Variants in OXR1 observed in about 807,000 individuals in gnomAD.
OXR1 encodes the protein oxidation resistance 1.
Under a neutral mutation model 104.6 loss-of-function variants are expected in OXR1, and 41 were observed. The observed-to-expected ratio is 0.39, with a 90% CI of 0.31 to 0.51. The LOEUF is 0.51. Ranked by LOEUF, OXR1 falls within the 20% of genes least tolerant of loss-of-function variation. The pLI is 0.77. For missense variants in OXR1, 955 were observed against 1,031.9 expected, an observed-to-expected ratio of 0.93 and a Z score of 1.02; for synonymous variants, 348 against 348.4, an observed-to-expected ratio of 1.00 and a Z score of 0.01.
chr8:106,284,896 C>G (rs1812432577), intron 1 of OXR1, among the ~76,000 whole-genome samples: 1 of 151,942 alleles, frequency 6.6e-6, no homozygotes, highest in Non-Finnish European at 1.5e-5. Context: ...TTATAAAGGG[C>G]TGGAGATACT....
chr8:106,462,587 A>G (rs546803667), intron 2 of OXR1, among the ~76,000 whole-genome samples: 1 of 152,252 alleles, frequency 6.6e-6, no homozygotes, highest in South Asian at 2.1e-4. Flanking sequence ...AACATTTCCT[A>G]CTTTTCTCAG....
At chr8:106,294,009 G>A (rs539191296) in intron 1 of OXR1, among the ~76,000 whole-genome samples, 7 of 120,120 alleles carry the variant, frequency 5.8e-5, no homozygotes, top group Non-Finnish European at 1.2e-4. Flanking sequence ...AATAGAATAA[G>A]CTGAGGAAAA....
intron 2 of OXR1, among the ~76,000 whole-genome samples, chr8:106,455,815 C>T (rs1820568204): frequency 1.3e-5 from 2 of 152,168 alleles, no homozygotes; most frequent in Admixed American, 6.6e-5. Context: ...TCCATTGAAT[C>T]TGATACCATG....
At chr8:106,653,083 A>AAAATAT (rs1554611974) in intron 3 of OXR1, among the ~76,000 whole-genome samples, 181 of 137,144 alleles carry the variant, frequency 1.3e-3, no homozygotes, top group African/African-American at 4.4e-3. Flanking sequence ...AAAAAAAAAA[A>AAAATAT]ATATATATAT....
At chr8:106,606,096 G>A (rs1022746970) in intron 3 of OXR1, among the ~76,000 whole-genome samples, 2 of 152,186 alleles carry the variant, frequency 1.3e-5, no homozygotes, top group East Asian at 3.9e-4. Flanking sequence ...AGTCCAAAAT[G>A]CATCTCACTG....
chr8:106,472,889 A>C (rs1821593654), intron 2 of OXR1, among the ~76,000 whole-genome samples: 2 of 151,608 alleles, frequency 1.3e-5, no homozygotes, highest in East Asian at 2.0e-4. Flanking sequence ...TTAACCTTAT[A>C]CTCTTGAGTT....
intron 1 of OXR1, among the ~76,000 whole-genome samples, chr8:106,301,067 G>A (rs947086123): frequency 2.2e-4 from 34 of 152,142 alleles, no homozygotes; most frequent in Non-Finnish European, 4.0e-4. Context: ...TAAAACGCAC[G>A]TCATATAAAA....
chr8:106,450,913 G>A (rs988905292), intron 2 of OXR1, among the ~76,000 whole-genome samples: 1 of 152,070 alleles, frequency 6.6e-6, no homozygotes, highest in Non-Finnish European at 1.5e-5. Flanking sequence ...TTCTAGAACT[G>A]AAGCAAATTT....
At chr8:106,732,217 A>G (rs1281749379) in intron 11 of OXR1, among the ~76,000 whole-genome samples, 1 of 152,108 alleles carries the variant, frequency 6.6e-6, no homozygotes, top group Admixed American at 6.6e-5. Context: ...TTTGCATATT[A>G]ATCTTGCACT....
intron 2 of OXR1, among the ~76,000 whole-genome samples, chr8:106,443,252 A>T (rs1819866161): frequency 6.6e-6 from 1 of 152,040 alleles, no homozygotes. Context: ...ATTTCATGGC[A>T]CTGTTGTACT....
intron 7 of OXR1, chr8:106,698,133 T>G: frequency 1.6e-6 from 1 of 634,802 alleles, no homozygotes; most frequent in Non-Finnish European, 2.8e-6. Context: ...TACCCAGATA[T>G]CCTCTTCATT....
chr8:106,343,245 T>C (rs574919690), intron 1 of OXR1, among the ~76,000 whole-genome samples: 2 of 152,228 alleles, frequency 1.3e-5, no homozygotes, highest in African/African-American at 2.4e-5. Flanking sequence ...GTTTCTTCCC[T>C]ACTCAAAATC....
chr8:106,318,797 G>A (rs1814090661), intron 1 of OXR1, among the ~76,000 whole-genome samples: 2 of 152,132 alleles, frequency 1.3e-5, no homozygotes, highest in South Asian at 4.1e-4. Flanking sequence ...CTTTTGGAGT[G>A]CAGATACAGT....
intron 2 of OXR1, among the ~76,000 whole-genome samples, chr8:106,486,308 C>A (rs747746034): frequency 2.0e-5 from 3 of 152,082 alleles, no homozygotes; most frequent in African/African-American, 4.8e-5. Context: ...CTAATTGCTT[C>A]CACTTTTACA....
chr8:106,317,806 A>C (rs529304457), intron 1 of OXR1, among the ~76,000 whole-genome samples: 6 of 151,932 alleles, frequency 3.9e-5, no homozygotes, highest in Admixed American at 1.3e-4. Flanking sequence ...AAAAAAAAAA[A>C]CAAAAAGGAG....
At chr8:106,551,840 G>A (rs1815844685) in intron 3 of OXR1, among the ~76,000 whole-genome samples, 1 of 138,174 alleles carries the variant, frequency 7.2e-6, no homozygotes, top group East Asian at 2.1e-4. Flanking sequence ...ATATATATGT[G>A]TACATATATG....
chr8:106,516,553 GA>G (rs997464529), intron 2 of OXR1, among the ~76,000 whole-genome samples: 9 of 151,638 alleles, frequency 5.9e-5, no homozygotes, highest in African/African-American at 2.2e-4. Flanking sequence ...ATTCCCAGTG[GA>G]AAAAAAGGGT....
chr8:106,488,170 C>T (rs1421207434), intron 2 of OXR1, among the ~76,000 whole-genome samples: 1 of 142,796 alleles, frequency 7.0e-6, no homozygotes, highest in Admixed American at 7.0e-5. Context: ...TCTCTGATGG[C>T]CAGTGATGAT....
chr8:106,704,387 CTTCTTCTTTT>C (rs1830909202), intron 8 of OXR1, among the ~76,000 whole-genome samples: 1 of 80,840 alleles, frequency 1.2e-5, no homozygotes, highest in Non-Finnish European at 2.5e-5. Context: ...TTCTTTCTTT[CTTCTTCTTTT>C]TTTTTTTTTT....
Sources: gnomAD v4.1 joint callset for allele counts (sites outside exome capture counted in the v4.1 genomes callset) on GRCh38, gnomAD v4.1.1 for gene constraint, MANE v1.5 for transcripts, NCBI Gene and HGNC (gene_info 2026-07-23, HGNC 2026-07-21) for gene names.